The following PLSCR2 variants were observed in gnomAD, a reference collection of about 807,000 sequenced individuals.
PLSCR2 encodes the protein PL scramblase 2.
PLSCR2 carries 18 observed loss-of-function variants against 25.3 expected under a neutral mutation model. The ratio of observed to expected loss-of-function variants is 0.71; its 90% confidence interval spans 0.49 to 1.06. The LOEUF (loss-of-function observed/expected upper bound fraction) is 1.06, where lower values mean the gene tolerates loss of function less well. Ranked by LOEUF, PLSCR2 falls within the 50% of genes least tolerant of loss-of-function variation. The pLI, the probability that PLSCR2 is intolerant of heterozygous loss-of-function variation, is 0.00. For synonymous variants in PLSCR2, 88 were observed against 87.3 expected, an observed-to-expected ratio of 1.01 and a Z score of -0.04; for missense variants, 243 against 269.5, an observed-to-expected ratio of 0.90 and a Z score of 0.69.
chr3:146,433,213 T>C (rs186093963), downstream of PLSCR2: 4 of 152,306 alleles, frequency 2.6e-5, no homozygotes, highest in African/African-American at 9.6e-5. Flanking sequence ...CATCAGAATG[T>C]TCTTTTTTCT....
chr3:146,463,243 C>T, upstream of PLSCR2, among the ~76,000 whole-genome samples: 1 of 152,082 alleles, frequency 6.6e-6, no homozygotes, highest in East Asian at 1.9e-4. Context: ...GTGGCGAGAT[C>T]TGGGCTCACT....
At chr3:146,418,319 G>A (rs1018732447) in intron 2 of PLSCR2, among the ~76,000 whole-genome samples, 2 of 151,972 alleles carry the variant, frequency 1.3e-5, no homozygotes, top group Non-Finnish European at 2.9e-5. Context: ...ATCTACTTAA[G>A]TCCAAAATCT....
At chr3:146,483,756 A>G (rs2043243842) in intron 1 of PLSCR2, among the ~76,000 whole-genome samples, 1 of 151,646 alleles carries the variant, frequency 6.6e-6, no homozygotes, top group African/African-American at 2.4e-5. Flanking sequence ...CATCAACAAA[A>G]AAATACCCAC....
At chr3:146,433,776 C>T (rs73865710) in intron 8 of PLSCR2, among the ~76,000 whole-genome samples, 12,171 of 152,098 alleles carry the variant, frequency 0.08, 618 homozygotes, top group African/African-American at 0.13. Context: ...ATTATTTAGG[C>T]TGCTGGGAGG....
At chr3:146,422,818 T>G (rs527466400) in intron 2 of PLSCR2, among the ~76,000 whole-genome samples, 4 of 152,198 alleles carry the variant, frequency 2.6e-5, no homozygotes, top group Admixed American at 1.3e-4. Context: ...TCTAAATTAC[T>G]CTTCACTTCA....
intron 1 of PLSCR2, among the ~76,000 whole-genome samples, chr3:146,492,491 G>A (rs764400468): frequency 3.9e-5 from 6 of 151,944 alleles, no homozygotes; most frequent in East Asian, 1.9e-4. Context: ...CAATACTAAG[G>A]AGATATATCC....
At chr3:146,397,799 G>A (rs1020171241) in intron 2 of PLSCR2, among the ~76,000 whole-genome samples, 7 of 151,772 alleles carry the variant, frequency 4.6e-5, no homozygotes, top group African/African-American at 1.7e-4. Context: ...TGTTACTTTG[G>A]CTTTTAACTT....
rs1259273052 is a variant in PLSCR2, at chr3:146,486,587, C to A, written c.-293+9308G>T. ...AAATATAGAAGAAATGGATAAATTCCTGGACATATACACCATCCCAAGACT... is the reference window on the plus strand; with the variant it reads ...AAATATAGAAGAAATGGATAAATTCATGGACATATACACCATCCCAAGACT... On this transcript the variant is annotated intron_variant, in intron 1 of 8. Transcript: ENST00000336685. 2.0e-5 allele frequency among the ~76,000 whole-genome samples: 3 copies of A among 151,860 alleles called. No homozygotes were observed. The East Asian group carries it at 5.8e-4, about 29-fold the overall frequency.
chr3:146,452,199 T>C (rs2040943320), intron 5 of PLSCR2, among the ~76,000 whole-genome samples: 1 of 152,048 alleles, frequency 6.6e-6, no homozygotes, highest in Admixed American at 6.6e-5. Flanking sequence ...GGGAACCCAG[T>C]TGATGTCTGT....
downstream of PLSCR2, among the ~76,000 whole-genome samples, chr3:146,439,719 C>A (rs1689219788): frequency 1.3e-5 from 2 of 152,128 alleles, no homozygotes; most frequent in Admixed American, 1.3e-4. Context: ...TTTGAACATC[C>A]TCCTTTAGCT....
chr3:146,483,509 A>ATATACACGTGT (rs1553791539), intron 1 of PLSCR2, among the ~76,000 whole-genome samples: 1 of 127,072 alleles, frequency 7.9e-6, no homozygotes. Flanking sequence ...ATATATATAT[A>ATATACACGTGT]ATGTTACTAC....
chr3:146,413,701 T>C (rs1358382345), intron 2 of PLSCR2, among the ~76,000 whole-genome samples: 1 of 152,240 alleles, frequency 6.6e-6, no homozygotes, highest in Non-Finnish European at 1.5e-5. Context: ...ACCAATGCTC[T>C]GATCACAGTC....
At chr3:146,425,154 G>T (rs1390078715) in intron 2 of PLSCR2, among the ~76,000 whole-genome samples, 1 of 152,012 alleles carries the variant, frequency 6.6e-6, no homozygotes, top group Non-Finnish European at 1.5e-5. Context: ...TAAATATGTT[G>T]CACCAGGAAG....
At chr3:146,459,719 A>G (rs1305862289) in intron 2 of PLSCR2, 129 bp downstream of exon 2, 3 of 659,342 alleles carry the variant, frequency 4.5e-6, no homozygotes, top group African/African-American at 3.7e-5. Context: ...TGTGCTGTTT[A>G]CCATTTCTGA....
Position 146,425,977 on chromosome 3 carries a change from A to G in PLSCR2, c.101-30056T>C, listed in dbSNP as rs190207924. On this transcript the variant is annotated intron_variant and NMD_transcript_variant, in intron 2 of 3. Transcript: ENST00000463633. The stretch of plus-strand genomic sequence containing the variant: ...TTTGAGACAATGTAAATACACTTTT[A>G]CTCCTCAAACTTTCAACCACTGATT... Among the ~76,000 whole-genome samples the G allele has an allele frequency of 2.3e-4, 35 of 152,206 alleles. No individual in the cohort carries two copies. In the East Asian group the frequency reaches 4.8e-3, roughly 21 times the overall value.
intron 1 of PLSCR2, among the ~76,000 whole-genome samples, chr3:146,476,948 G>A (rs1207446302): frequency 1.3e-5 from 2 of 152,220 alleles, no homozygotes; most frequent in Non-Finnish European, 2.9e-5. Context: ...AGGAATCCAG[G>A]CAGCCCAGAT....
At chr3:146,396,194 T>G (rs1157575253) in intron 2 of PLSCR2, among the ~76,000 whole-genome samples, 1 of 152,184 alleles carries the variant, frequency 6.6e-6, no homozygotes, top group African/African-American at 2.4e-5. Context: ...TTATTTGCTT[T>G]AATTTAATGT....
chr3:146,467,471 A>AC (rs2041922521), intron 1 of PLSCR2, among the ~76,000 whole-genome samples: 1 of 152,120 alleles, frequency 6.6e-6, no homozygotes, highest in Admixed American at 6.6e-5. Flanking sequence ...TCTAATTACT[A>AC]CCATTTGATT....
intron 1 of PLSCR2, among the ~76,000 whole-genome samples, chr3:146,487,845 A>C (rs1383427021): frequency 1.3e-5 from 2 of 152,188 alleles, no homozygotes; most frequent in South Asian, 2.1e-4. Context: ...TATGGAACCA[A>C]AAAAGAGCCC....
Sources: allele counts gnomAD v4.1 joint callset (sites outside exome capture counted in the v4.1 genomes callset), GRCh38; gene constraint gnomAD v4.1.1; transcripts MANE v1.5; gene names NCBI Gene and HGNC (gene_info 2026-07-23, HGNC 2026-07-21).